MACROD2: variants seen among roughly 807,000 people sequenced by gnomAD.
MACROD2 encodes ADP-ribose glycohydrolase MACROD2.
A neutral mutation model predicts 70.4 loss-of-function variants in MACROD2; 36 were observed. That is an observed-to-expected ratio of 0.51 (90% CI 0.39 to 0.68). The LOEUF is 0.68. MACROD2 is among the 30% of genes least tolerant of loss of function. The pLI is 0.00. For synonymous variants in MACROD2, 172 were observed against 178.8 expected, an observed-to-expected ratio of 0.96 and a Z score of 0.30; for missense variants, 496 against 538.4, an observed-to-expected ratio of 0.92 and a Z score of 0.78.
chr20:15,343,492 A>ACTG (rs1478306261), intron 6 of MACROD2, among the ~76,000 whole-genome samples: 2 of 152,222 alleles, frequency 1.3e-5, no homozygotes, highest in African/African-American at 4.8e-5. Context: ...AGTCAGTGAT[A>ACTG]TCTTCTCTCT....
intron 3 of MACROD2, among the ~76,000 whole-genome samples, chr20:14,150,093 C>T (rs2054997704): frequency 1.3e-5 from 2 of 151,954 alleles, no homozygotes; most frequent in South Asian, 4.1e-4. Context: ...CTTCTTCTAC[C>T]TCTTCCCTTT....
chr20:15,373,232 T>G (rs2045517182), intron 6 of MACROD2, among the ~76,000 whole-genome samples: 2 of 152,224 alleles, frequency 1.3e-5, no homozygotes, highest in African/African-American at 4.8e-5. Context: ...CCTCTTTTTG[T>G]TGCATTGATT....
intron 8 of MACROD2, among the ~76,000 whole-genome samples, chr20:15,744,150 C>G (rs2051145736): frequency 6.6e-6 from 1 of 151,982 alleles, no homozygotes; most frequent in Non-Finnish European, 1.5e-5. Flanking sequence ...TCAAAAAAGG[C>G]TAGATGAAAT....
intron 7 of MACROD2, among the ~76,000 whole-genome samples, chr20:15,462,899 G>C (rs2046837185): frequency 1.3e-5 from 2 of 152,116 alleles, no homozygotes; most frequent in African/African-American, 4.8e-5. Flanking sequence ...TCCAGTAAAA[G>C]GGTTTTTTCC....
chr20:14,240,973 A>G (rs1450524109), intron 3 of MACROD2, among the ~76,000 whole-genome samples: 2 of 152,260 alleles, frequency 1.3e-5, no homozygotes, highest in Admixed American at 1.3e-4. Context: ...TACTAAAAAT[A>G]CAAAAAATAG....
At chr20:16,009,612 C>G (rs766981361) in intron 15 of MACROD2, among the ~76,000 whole-genome samples, 33 of 152,166 alleles carry the variant, frequency 2.2e-4, no homozygotes, top group Non-Finnish European at 3.1e-4. Context: ...CAAAAATTAG[C>G]CAAGCATGGT....
intron 10 of MACROD2, among the ~76,000 whole-genome samples, chr20:15,929,677 C>G (rs1192651442): frequency 6.6e-6 from 1 of 152,120 alleles, no homozygotes. Context: ...CACCATGTAG[C>G]GTTCACAAAA....
chr20:15,647,532 A>G (rs1886542741), intron 8 of MACROD2, among the ~76,000 whole-genome samples: 3 of 152,144 alleles, frequency 2.0e-5, no homozygotes, highest in African/African-American at 7.2e-5. Context: ...TTGTCTTTAT[A>G]TTTCTCTTTG....
intron 5 of MACROD2, among the ~76,000 whole-genome samples, chr20:14,834,518 C>T (rs369739235): frequency 1.7e-4 from 26 of 151,958 alleles, no homozygotes; most frequent in African/African-American, 5.8e-4. Context: ...AGTTAAAATT[C>T]GAAGGGACCC....
rs559492394 is a variant in MACROD2 at position 14,110,839 on chromosome 20, C to T, written c.271+25111C>T. Among the ~76,000 whole-genome samples the T allele has an allele frequency of 5.0e-4, 76 of 152,020 alleles. 1 individual carries two copies. Among genetic ancestry groups the T allele is most frequent in the East Asian group, 5.8e-4 (3 of 5,174 alleles). On this transcript the variant is annotated intron_variant, in intron 3 of 17. Transcript: ENST00000684519. The stretch of plus-strand genomic sequence containing the variant: ...ATTCAGTGCAGTCCCTATCAAAATA[C>T]CAATGGCATTCTTCTTTACAGAAAT...
At chr20:15,231,601 G>A (rs1188147162) in intron 6 of MACROD2, among the ~76,000 whole-genome samples, 1 of 151,932 alleles carries the variant, frequency 6.6e-6, no homozygotes, top group Admixed American at 6.6e-5. Flanking sequence ...TAAGAAGTTT[G>A]TTAGAAACAG....
At chr20:15,769,723 C>A (rs1229413135) in intron 8 of MACROD2, among the ~76,000 whole-genome samples, 1 of 152,102 alleles carries the variant, frequency 6.6e-6, no homozygotes, top group Non-Finnish European at 1.5e-5. Context: ...TGGCACATGA[C>A]TATATATATC....
At chr20:15,021,363 T>G in intron 5 of MACROD2, among the ~76,000 whole-genome samples, 1 of 59,518 alleles carries the variant, frequency 1.7e-5, no homozygotes, top group Non-Finnish European at 3.1e-5. Context: ...TATACACATG[T>G]GTGTATGCAT....
chr20:15,639,113 C>T (rs1265251906), intron 8 of MACROD2, among the ~76,000 whole-genome samples: 1 of 151,592 alleles, frequency 6.6e-6, no homozygotes, highest in East Asian at 1.9e-4. Flanking sequence ...GGAAGGAACA[C>T]TGTTACAAAA....
chr20:14,553,654 C>T (rs1978820984), intron 4 of MACROD2, among the ~76,000 whole-genome samples: 3 of 152,050 alleles, frequency 2.0e-5, no homozygotes, highest in East Asian at 1.9e-4. Flanking sequence ...TTTTCAGCTC[C>T]ACTATAATCT....
intron 8 of MACROD2, among the ~76,000 whole-genome samples, chr20:15,845,673 A>G (rs574777395): frequency 6.8e-4 from 103 of 152,274 alleles, no homozygotes; most frequent in Non-Finnish European, 7.6e-4. Context: ...CATGTCCAAT[A>G]ATAGTTTTGC....
At chr20:14,849,823 G>T (rs2073180002) in intron 5 of MACROD2, 2 of 360,742 alleles carry the variant, frequency 5.5e-6, no homozygotes, top group Admixed American at 7.7e-5. Flanking sequence ...CATCTAAAGA[G>T]CAAGAGCAGA....
intron 4 of MACROD2, among the ~76,000 whole-genome samples, chr20:14,622,651 A>G (rs1232340902): frequency 6.6e-6 from 1 of 152,070 alleles, no homozygotes; most frequent in African/African-American, 2.4e-5. Flanking sequence ...AGGCACCATT[A>G]TTTTCTACCA....
At chr20:15,284,229 G>A (rs1009058890) in intron 6 of MACROD2, among the ~76,000 whole-genome samples, 7 of 151,912 alleles carry the variant, frequency 4.6e-5, no homozygotes, top group East Asian at 1.9e-4. Context: ...CTGTATCATC[G>A]CTATGATTGC....
Sources: allele counts gnomAD v4.1 joint callset (sites outside exome capture counted in the v4.1 genomes callset), GRCh38; gene constraint gnomAD v4.1.1; transcripts MANE v1.5; gene names NCBI Gene and HGNC (gene_info 2026-07-23, HGNC 2026-07-21).